ATF2: variants seen among roughly 807,000 people sequenced by gnomAD.
The protein encoded by ATF2 is cyclic AMP-dependent transcription factor ATF-2.
Under a neutral mutation model 60.6 loss-of-function variants are expected in ATF2, and 24 were observed. That is an observed-to-expected ratio of 0.40 (90% confidence interval 0.29 to 0.56). The LOEUF (loss-of-function observed/expected upper bound fraction) is 0.56. Among genes scored for constraint, ATF2 ranks in the 20% least tolerant of loss-of-function variants. ATF2 has a pLI of 0.54. For missense variants in ATF2, 433 were observed against 607.7 expected (o/e 0.71, Z 3.02); for synonymous variants, 206 against 215.4 (o/e 0.96, Z 0.38).
chr2:175,085,350 C>G (rs898359776), intron 12 of ATF2, among the ~76,000 whole-genome samples: 1 of 151,796 alleles, frequency 6.6e-6, no homozygotes. Context: ...GCCTGGCCAA[C>G]GTGGTGAAAC....
At chr2:175,159,983 AAAATAG>A (rs1699916932) in intron 1 of ATF2, among the ~76,000 whole-genome samples, 2 of 152,222 alleles carry the variant, frequency 1.3e-5, no homozygotes, top group South Asian at 4.1e-4. Flanking sequence ...AAGCAAAAAG[AAAATAG>A]AAATAGAAAT....
intron 8 of ATF2, 52 bp downstream of exon 8, chr2:175,114,638 C>T (rs1441734494): frequency 6.4e-7 from 1 of 1,570,116 alleles, no homozygotes; most frequent in South Asian, 1.2e-5. Flanking sequence ...AAAATCATTA[C>T]AAAACAAACT....
rs13005142 is a variant in ATF2, at chr2:175,105,360, T to C, written c.828+6208A>G. 1.6e-3 allele frequency among the ~76,000 whole-genome samples: 236 copies of C among 150,322 alleles called. 2 individuals are homozygous for C. The highest frequency in any genetic ancestry group is 0.011 in the South Asian group (50 of 4,624). ...TCAAAACCCAAAACAAAATAGCTCA[T>C]TGATAAAATACAATCCTAATTGCTA... is the stretch of plus-strand genomic sequence containing the variant. On this transcript the variant is annotated intron_variant, in intron 10 of 13. Coordinates refer to ENST00000264110, the MANE Select transcript of ATF2 (RefSeq NM_001880.4).
At chr2:175,089,764 G>C (rs1273832210) in intron 12 of ATF2, among the ~76,000 whole-genome samples, 1 of 152,052 alleles carries the variant, frequency 6.6e-6, no homozygotes, top group Non-Finnish European at 1.5e-5. Context: ...TTGACTTGAA[G>C]CAATAACAGA....
At chr2:175,076,559 C>G (rs982760819) in intron 13 of ATF2, among the ~76,000 whole-genome samples, 1 of 152,050 alleles carries the variant, frequency 6.6e-6, no homozygotes, top group Non-Finnish European at 1.5e-5. Flanking sequence ...TGCCCCTCTC[C>G]TTCACCCCCC....
intron 8 of ATF2, chr2:175,114,483 T>C: frequency 7.8e-7 from 1 of 1,279,702 alleles, no homozygotes; most frequent in Non-Finnish European, 9.9e-7. Flanking sequence ...TCACATTCTA[T>C]ATTTGTTTTT....
intron 12 of ATF2, among the ~76,000 whole-genome samples, chr2:175,084,167 C>A (rs941533295): frequency 1.6e-4 from 24 of 152,114 alleles, no homozygotes; most frequent in African/African-American, 5.8e-4. Context: ...GACTATAAAT[C>A]ATGCTGCTAT....
In ATF2 at chr2:175,073,169, T is replaced by A. The variant is rs1693053803; in HGVS notation, c.*1440A>T. 6.6e-6 allele frequency: 1 copy of A among 152,168 alleles called. No homozygotes were observed. The highest frequency in any genetic ancestry group is 2.4e-5 in the African/African-American group (1 of 41,458). The allele number at this position is 152,168 out of a possible 1,614,324, so 9.4% of individuals were successfully genotyped here. A position where few individuals can be genotyped will look rare whatever the true frequency, so the allele number is the denominator to read the frequency against. ...TACGCACATCTACTACTTTTAAAATTTTATGTTTAACAATTTATTCTATTT... is the reference window on the plus strand; with the variant it reads ...TACGCACATCTACTACTTTTAAAATATTATGTTTAACAATTTATTCTATTT... On this transcript the variant is annotated 3_prime_UTR_variant, in exon 14 of 14. Transcript: ENST00000264110.
At chr2:175,116,308 C>G (rs993425343) in intron 7 of ATF2, among the ~76,000 whole-genome samples, 1 of 151,546 alleles carries the variant, frequency 6.6e-6, no homozygotes, top group African/African-American at 2.4e-5. Context: ...AGATTCAGGT[C>G]TGATAAAATA....
chr2:175,123,090 T>C (rs527900067), intron 4 of ATF2, among the ~76,000 whole-genome samples: 19 of 152,158 alleles, frequency 1.2e-4, no homozygotes, highest in East Asian at 3.9e-4. Flanking sequence ...GCAGCAACTA[T>C]AGGCAGTAGG....
intron 10 of ATF2, among the ~76,000 whole-genome samples, chr2:175,098,766 T>C (rs1695111291): frequency 6.6e-6 from 1 of 152,196 alleles, no homozygotes; most frequent in Admixed American, 6.5e-5. Context: ...AGTATTTCCA[T>C]TCACTTCAAC....
intron 12 of ATF2, among the ~76,000 whole-genome samples, chr2:175,084,634 T>TA (rs1202102133): frequency 1.8e-4 from 26 of 140,828 alleles, no homozygotes; most frequent in African/African-American, 6.2e-4. Context: ...CGCTAAAACT[T>TA]AAAGTATAAA....
At chr2:175,109,589 C>T (rs941024341) in intron 10 of ATF2, among the ~76,000 whole-genome samples, 7 of 152,102 alleles carry the variant, frequency 4.6e-5, no homozygotes, top group Non-Finnish European at 1.0e-4. Flanking sequence ...AAAGGTATTT[C>T]TTAAAACTGG....
intron 4 of ATF2, among the ~76,000 whole-genome samples, chr2:175,129,882 T>G (rs1697605292): frequency 6.6e-6 from 1 of 152,078 alleles, no homozygotes; most frequent in Non-Finnish European, 1.5e-5. Flanking sequence ...CTTGGACTTT[T>G]GTGTAGGATT....
At position 175,109,038 on chromosome 2, in the gene ATF2, A is replaced by T. The variant is rs548034558; in HGVS notation, c.828+2530T>A. 7.2e-5 allele frequency among the ~76,000 whole-genome samples: 11 copies of T among 152,296 alleles called. No individual in the cohort carries two copies. The South Asian group carries it at 1.2e-3, about 17-fold the overall frequency. ...TACCCAGGGACACAAACACTGCGGA[A>T]GGCCGCAGGGTCCTCTGCATAGGAA... On this transcript the variant is annotated intron_variant, in intron 10 of 13. Transcript: ENST00000264110.
At chr2:175,123,493 T>A (rs985423254) in intron 4 of ATF2, among the ~76,000 whole-genome samples, 1 of 152,062 alleles carries the variant, frequency 6.6e-6, no homozygotes, top group East Asian at 1.9e-4. Flanking sequence ...TGGAATGTTG[T>A]CGCCTAGGAA....
chr2:175,094,520 A>G (rs1694786073), intron 11 of ATF2, among the ~76,000 whole-genome samples: 1 of 151,896 alleles, frequency 6.6e-6, no homozygotes, highest in African/African-American at 2.4e-5. Flanking sequence ...CCTGAAAACA[A>G]TCTTTTACCT....
chr2:175,111,295 TAGG>T (rs1210144428), intron 10 of ATF2, among the ~76,000 whole-genome samples: 1 of 152,058 alleles, frequency 6.6e-6, no homozygotes, highest in Non-Finnish European at 1.5e-5. Flanking sequence ...TATTTTCCAC[TAGG>T]AGGAGAAAAA....
chr2:175,076,411 T>TAAA (rs1334806673), intron 13 of ATF2, among the ~76,000 whole-genome samples: 1 of 151,796 alleles, frequency 6.6e-6, no homozygotes, highest in African/African-American at 2.4e-5. Flanking sequence ...AATGAATACT[T>TAAA]AAAAAAAATT....
Sources: gnomAD v4.1 joint callset for allele counts (sites outside exome capture counted in the v4.1 genomes callset) on GRCh38, gnomAD v4.1.1 for gene constraint, MANE v1.5 for transcripts, NCBI Gene and HGNC (gene_info 2026-07-23, HGNC 2026-07-21) for gene names.